KIRREL3: variants seen among roughly 807,000 people sequenced by gnomAD.
KIRREL3 encodes the protein kirre like nephrin family adhesion molecule 3.
A neutral mutation model predicts 89.7 loss-of-function variants in KIRREL3; 36 were observed. The observed-to-expected ratio is 0.40, with a 90% confidence interval of 0.31 to 0.53. The LOEUF (loss-of-function observed/expected upper bound fraction) is 0.53. KIRREL3 is among the 20% of genes least tolerant of loss of function. The pLI is 0.49. For missense variants in KIRREL3, 864 were observed against 1,056.6 expected, an observed-to-expected ratio of 0.82 and a Z score of 2.53; for synonymous variants, 445 against 441.4, an observed-to-expected ratio of 1.01 and a Z score of -0.10.
Position 126,918,280 on chromosome 11 carries a change from T to C in KIRREL3, c.55+82175A>G, listed in dbSNP as rs1344774773. ...CAGATGCTGGGCAGATCCAGTGAAT[T>C]GCAAGTAAGCAAATAAACATGATTT... On this transcript the variant is annotated intron_variant, in intron 1 of 16. Transcript: ENST00000525144. This position sits in a 1 kb window ranked among gnomAD's most constrained non-coding sequence, Gnocchi z 6.5. 1.3e-5 allele frequency among the ~76,000 whole-genome samples: 2 copies of C among 152,210 alleles called. No homozygotes were observed. Among genetic ancestry groups the C allele is most frequent in the African/African-American group, 2.4e-5 (1 of 41,448 alleles).
At chr11:126,862,010 C>T (rs758633443) in intron 1 of KIRREL3, among the ~76,000 whole-genome samples, 1 of 152,256 alleles carries the variant, frequency 6.6e-6, no homozygotes, top group Non-Finnish European at 1.5e-5. Flanking sequence ...ACCTCTCCAG[C>T]TCTGCCCTTC....
chr11:126,435,384 C>A (rs4937132), intron 12 of KIRREL3, 81 bp from the exon 13 acceptor site: 8 of 1,421,866 alleles, frequency 5.6e-6, no homozygotes, highest in Non-Finnish European at 7.9e-6. Context: ...GCTGCTTGAG[C>A]GGGGCTGGGT....
intron 1 of KIRREL3, among the ~76,000 whole-genome samples, chr11:126,963,993 C>T (rs1405230226): frequency 1.3e-5 from 2 of 152,154 alleles, no homozygotes; most frequent in South Asian, 4.1e-4. Flanking sequence ...TAGAAAGCCA[C>T]TCAACTTATC....
intron 1 of KIRREL3, among the ~76,000 whole-genome samples, chr11:126,835,747 T>G (rs2134503816): frequency 6.6e-6 from 1 of 151,802 alleles, no homozygotes; most frequent in Non-Finnish European, 1.5e-5. Flanking sequence ...AGGTCTGGCT[T>G]TTGCCAGTAC....
At chr11:126,440,278 C>T in intron 11 of KIRREL3, 171 bp downstream of exon 11, 1 of 714,938 alleles carries the variant, frequency 1.4e-6, no homozygotes, top group East Asian at 2.7e-5. Flanking sequence ...GAAAGGCCTG[C>T]AATTGTGTCT....
intron 1 of KIRREL3, among the ~76,000 whole-genome samples, chr11:126,680,735 C>CAA (rs397971552): frequency 5.1e-5 from 6 of 118,378 alleles, no homozygotes; most frequent in African/African-American, 9.4e-5. Context: ...ATACTTAGAG[C>CAA]AAAAAAAAAA....
intron 1 of KIRREL3, among the ~76,000 whole-genome samples, chr11:126,950,603 T>A (rs1371647703): frequency 6.6e-6 from 1 of 152,228 alleles, no homozygotes; most frequent in Non-Finnish European, 1.5e-5. Context: ...CCTAGTGCAT[T>A]ACAAAAGACA....
chr11:126,452,510 G>A (rs1355788447), intron 7 of KIRREL3, among the ~76,000 whole-genome samples: 1 of 152,234 alleles, frequency 6.6e-6, no homozygotes, highest in African/African-American at 2.4e-5. Context: ...TGCCGGGCTG[G>A]GGCTGGAGGG....
At chr11:127,001,714 C>T (rs1565492418), upstream of KIRREL3, among the ~76,000 whole-genome samples, 1 of 151,986 alleles carries the variant, frequency 6.6e-6, no homozygotes, top group East Asian at 1.9e-4. Context: ...GGTCTATTTA[C>T]TTAATAGACA....
chr11:126,478,494 C>A lies in KIRREL3; in HGVS notation c.434-5028G>T, dbSNP rs147559072. On this transcript the variant is annotated intron_variant, in intron 4 of 16. Coordinates refer to ENST00000525144, the MANE Select transcript of KIRREL3 (RefSeq NM_032531.4). ...CATGGGCTTTGGCTTCTGAGGTCAG[C>A]GTTTTAAATCTTGTGTGTGTGTATG... 9.4e-4 allele frequency among the ~76,000 whole-genome samples: 142 copies of A among 151,758 alleles called. 1 individual carries two copies. In the East Asian group the frequency reaches 0.024, roughly 25 times the overall value.
intron 1 of KIRREL3, among the ~76,000 whole-genome samples, chr11:126,855,325 G>A (rs1486725741): frequency 6.6e-6 from 1 of 152,176 alleles, no homozygotes; most frequent in Non-Finnish European, 1.5e-5. Flanking sequence ...AGTGGGGAAT[G>A]CCGGCTCCTG....
chr11:126,512,192 C>T (rs1442565685), intron 4 of KIRREL3, among the ~76,000 whole-genome samples: 1 of 152,240 alleles, frequency 6.6e-6, no homozygotes, highest in Non-Finnish European at 1.5e-5. Context: ...GTCAGTACTT[C>T]AGGCCTCCAA....
rs1288928801 is a variant in KIRREL3, at chr11:126,563,715, A to G, written c.56-803T>C. Among the ~76,000 whole-genome samples the G allele has an allele frequency of 3.3e-5, 5 of 152,352 alleles. No individual in the cohort carries two copies. Among genetic ancestry groups the G allele is most frequent in the East Asian group, 1.9e-4 (1 of 5,188 alleles). On this transcript the variant is annotated intron_variant, in intron 1 of 16. Transcript: ENST00000525144. The surrounding 1 kb of genome is among the most constrained non-coding windows in gnomAD (Gnocchi z 6.8). ...CTTTTTTATTTGCACAGTATTTTGTAAATCAGTGTCCATTGTGTGTGTGAG... is the reference window on the plus strand; with the variant it reads ...CTTTTTTATTTGCACAGTATTTTGTGAATCAGTGTCCATTGTGTGTGTGAG...
chr11:126,548,794 G>A (rs1363909735), intron 2 of KIRREL3, among the ~76,000 whole-genome samples: 3 of 152,188 alleles, frequency 2.0e-5, no homozygotes, highest in Admixed American at 6.5e-5. Flanking sequence ...TAGGAACAGC[G>A]CAGGGGTGAC....
At chr11:126,507,122 C>A (rs1485429019) in intron 4 of KIRREL3, among the ~76,000 whole-genome samples, 1 of 152,136 alleles carries the variant, frequency 6.6e-6, no homozygotes, top group East Asian at 1.9e-4. Context: ...ACACACAAGG[C>A]CACATATGAT....
At chr11:126,497,097 A>G (rs1957679107) in intron 4 of KIRREL3, among the ~76,000 whole-genome samples, 1 of 151,696 alleles carries the variant, frequency 6.6e-6, no homozygotes, top group South Asian at 2.1e-4. Flanking sequence ...GCCTGGGCTT[A>G]AAGCCTGCTT....
Position 126,484,648 on chromosome 11 carries a change from A to C in KIRREL3, c.434-11182T>G, listed in dbSNP as rs543479057. 6.6e-6 allele frequency among the ~76,000 whole-genome samples: 1 copy of C among 152,336 alleles called. No homozygotes were observed. Among genetic ancestry groups the C allele is most frequent in the East Asian group, 1.9e-4 (1 of 5,194 alleles). ...TGGTAGTGTAAGTATGTTTATCTGA[A>C]ATTCACATTTAACAGGGAATCCTGT... On this transcript the variant is annotated intron_variant, in intron 4 of 16. Coordinates refer to ENST00000525144, the MANE Select transcript of KIRREL3 (RefSeq NM_032531.4). This position sits in a 1 kb window ranked among gnomAD's most constrained non-coding sequence, Gnocchi z 5.2.
rs1940496384 is a variant in KIRREL3, at chr11:126,566,054, G to A, written c.56-3142C>T. On this transcript the variant is annotated intron_variant, in intron 1 of 16. Transcript: ENST00000525144. This position sits in a 1 kb window ranked among gnomAD's most constrained non-coding sequence, Gnocchi z 4.9. ...ACATTTTGGAACAGTAAGATGATGGGATCTTCTCCAAGTAGGCTTTGGGGG... is the reference window on the plus strand; with the variant it reads ...ACATTTTGGAACAGTAAGATGATGGAATCTTCTCCAAGTAGGCTTTGGGGG... 6.6e-6 allele frequency among the ~76,000 whole-genome samples: 1 copy of A among 152,196 alleles called. No homozygotes were observed. The highest frequency in any genetic ancestry group is 6.5e-5 in the Admixed American group (1 of 15,270).
In KIRREL3 at chr11:126,627,011, A is replaced by G. The variant is rs554444363; in HGVS notation, c.56-64099T>C. ...GTGAAACACTGTCTCAAGAAAAAAA[A>G]AAAACAAAAAAAAAAGAATAACCAC... On this transcript the variant is annotated intron_variant, in intron 1 of 16. Transcript: ENST00000525144. This position sits in a 1 kb window ranked among gnomAD's most constrained non-coding sequence, Gnocchi z 5.0. Among the ~76,000 whole-genome samples the G allele has an allele frequency of 3.8e-5, 1 of 26,164 alleles. No homozygotes were observed. Among genetic ancestry groups the G allele is most frequent in the Non-Finnish European group, 1.3e-4 (1 of 7,652 alleles). The allele number at this position is 26,164 out of a possible 152,430, so 17.2% of individuals were successfully genotyped here.
Sources: gnomAD v4.1 joint callset for allele counts (sites outside exome capture counted in the v4.1 genomes callset) on GRCh38, gnomAD v4.1.1 for gene constraint, Gnocchi (gnomAD v3.1) non-coding constraint, MANE v1.5 for transcripts, NCBI Gene and HGNC (gene_info 2026-07-23, HGNC 2026-07-21) for gene names.